Variants in NRXN3 observed in about 807,000 individuals in gnomAD.
NRXN3 encodes neurexin III.
Under a neutral mutation model 137.6 loss-of-function variants are expected in NRXN3, and 32 were observed. The ratio of observed to expected loss-of-function variants is 0.23; its 90% confidence interval spans 0.18 to 0.31. The LOEUF (loss-of-function observed/expected upper bound fraction) is 0.31. Ranked by LOEUF, NRXN3 falls within the 10% of genes least tolerant of loss-of-function variation. NRXN3 has a pLI of 1.00. For synonymous variants in NRXN3, 798 were observed against 784.5 expected (o/e 1.02, Z -0.29); for missense variants, 1,574 against 2,062.5 (o/e 0.76, Z 4.59).
chr14:79,484,186 C>T lies in NRXN3; in HGVS notation c.3444+16784C>T, dbSNP rs74890259. On this transcript the variant is annotated intron_variant, in intron 16 of 20. Transcript: ENST00000335750. ...TTCCCATTGCCCCAGCACATCCTTCCTTCCTACATTCCTGGGAGAAAAGAG... is the reference window on the plus strand; with the variant it reads ...TTCCCATTGCCCCAGCACATCCTTCTTTCCTACATTCCTGGGAGAAAAGAG... Among the ~76,000 whole-genome samples the T allele has an allele frequency of 0.011, 1,616 of 152,254 alleles. 68 individuals carry two copies. In the East Asian group the frequency reaches 0.12, roughly 11 times the overall value.
intron 19 of NRXN3, among the ~76,000 whole-genome samples, chr14:79,768,237 G>A (rs905936015): frequency 4.5e-4 from 68 of 152,362 alleles, no homozygotes; most frequent in South Asian, 1.2e-3. Flanking sequence ...GGTAAACAAA[G>A]CAGCCAGGAA....
At chr14:79,253,818 C>T (rs1268140911) in intron 15 of NRXN3, among the ~76,000 whole-genome samples, 2 of 152,318 alleles carry the variant, frequency 1.3e-5, no homozygotes, top group South Asian at 4.1e-4. Flanking sequence ...CACCAGATCC[C>T]TCCAACATGT....
chr14:79,451,147 G>A (rs2096163839), intron 15 of NRXN3, among the ~76,000 whole-genome samples: 1 of 151,110 alleles, frequency 6.6e-6, no homozygotes, highest in Non-Finnish European at 1.5e-5. Flanking sequence ...GTGTCAGGAG[G>A]GGCTCAGCCA....
chr14:78,443,636 G>T (rs1422855062), intron 4 of NRXN3, among the ~76,000 whole-genome samples: 1 of 152,138 alleles, frequency 6.6e-6, no homozygotes, highest in African/African-American at 2.4e-5. Context: ...ACAGACATAG[G>T]TTCATATTCA....
At chr14:78,813,419 G>T (rs1424725484) in intron 10 of NRXN3, among the ~76,000 whole-genome samples, 2 of 152,120 alleles carry the variant, frequency 1.3e-5, no homozygotes, top group Non-Finnish European at 2.9e-5. Context: ...TGCACCCTGG[G>T]TTTGAGGGAG....
intron 10 of NRXN3, among the ~76,000 whole-genome samples, chr14:78,832,159 A>T (rs1379293863): frequency 1.3e-5 from 2 of 152,098 alleles, no homozygotes; most frequent in African/African-American, 4.8e-5. Flanking sequence ...AGACAAATTC[A>T]AGAGCTTTGT....
intron 15 of NRXN3, among the ~76,000 whole-genome samples, chr14:79,277,654 G>A (rs1421114501): frequency 6.6e-6 from 1 of 152,138 alleles, no homozygotes; most frequent in Non-Finnish European, 1.5e-5. Context: ...ATTTTACAGA[G>A]GAGGAAACTG....
chr14:78,504,630 C>G (rs942157476), intron 4 of NRXN3, among the ~76,000 whole-genome samples: 1 of 152,070 alleles, frequency 6.6e-6, no homozygotes, highest in Non-Finnish European at 1.5e-5. Context: ...TATGGAGAAA[C>G]ATTTCCTGGG....
At chr14:79,573,274 T>C (rs1949259483) in intron 16 of NRXN3, among the ~76,000 whole-genome samples, 2 of 152,132 alleles carry the variant, frequency 1.3e-5, no homozygotes, top group Non-Finnish European at 2.9e-5. Flanking sequence ...CAAATCGAAA[T>C]GCCTAAAGGA....
intron 4 of NRXN3, among the ~76,000 whole-genome samples, chr14:78,511,567 A>T (rs1337986656): frequency 6.6e-6 from 1 of 152,158 alleles, no homozygotes; most frequent in Non-Finnish European, 1.5e-5. Flanking sequence ...CAGCACAAAC[A>T]TCTATTCACA....
chr14:79,326,065 ACTGT>A (rs1240205833), intron 15 of NRXN3, among the ~76,000 whole-genome samples: 4 of 152,236 alleles, frequency 2.6e-5, no homozygotes, highest in Admixed American at 2.0e-4. Flanking sequence ...CTTTCCAAGT[ACTGT>A]CTATTTGCAT....
At chr14:79,454,009 G>T (rs868010709) in intron 15 of NRXN3, among the ~76,000 whole-genome samples, 1 of 151,908 alleles carries the variant, frequency 6.6e-6, no homozygotes. Flanking sequence ...CTCAAACTGT[G>T]CATTTTCCCA....
intron 15 of NRXN3, among the ~76,000 whole-genome samples, chr14:79,138,759 T>C (rs1291256277): frequency 1.3e-5 from 2 of 152,224 alleles, no homozygotes; most frequent in Non-Finnish European, 2.9e-5. Context: ...GTTCTTGATA[T>C]ATGAAGATGA....
At chr14:78,926,563 A>G (rs1261438144) in intron 10 of NRXN3, among the ~76,000 whole-genome samples, 3 of 137,456 alleles carry the variant, frequency 2.2e-5, no homozygotes, top group Non-Finnish European at 4.6e-5. Flanking sequence ...CAACATGGTG[A>G]AACCTTGTCT....
intron 15 of NRXN3, among the ~76,000 whole-genome samples, chr14:79,390,088 C>G (rs769103052): frequency 1.3e-5 from 2 of 152,090 alleles, no homozygotes; most frequent in African/African-American, 4.8e-5. Flanking sequence ...GAGGCCGAGG[C>G]TGGTGGATCA....
chr14:79,375,239 T>TG (rs1425059206), intron 15 of NRXN3, among the ~76,000 whole-genome samples: 3 of 150,852 alleles, frequency 2.0e-5, no homozygotes, highest in Non-Finnish European at 4.4e-5. Flanking sequence ...TTTTGTGTTT[T>TG]TTTTTTTTTT....
chr14:79,632,707 C>A (rs1436995616), intron 16 of NRXN3, among the ~76,000 whole-genome samples: 2 of 152,106 alleles, frequency 1.3e-5, no homozygotes, highest in Admixed American at 6.5e-5. Flanking sequence ...GTTCTAGTCA[C>A]AATATTAAGT....
chr14:79,155,777 T>C (rs932483084), intron 15 of NRXN3, among the ~76,000 whole-genome samples: 2 of 151,696 alleles, frequency 1.3e-5, no homozygotes, highest in African/African-American at 4.8e-5. Context: ...TCTGAGGAAA[T>C]AAAGAGCAAA....
In NRXN3 at chr14:79,746,807, C is replaced by A. The variant is rs184728980; in HGVS notation, c.4014+48870C>A. Among the ~76,000 whole-genome samples, 60 of 151,998 alleles carry A rather than the reference C, an allele frequency of 3.9e-4. 1 individual carries two copies. In the East Asian group the frequency reaches 7.2e-3, roughly 18 times the overall value. On this transcript the variant is annotated intron_variant, in intron 19 of 20. Coordinates refer to ENST00000335750, the MANE Select transcript of NRXN3 (RefSeq NM_001330195.2). ...TGTTTTGCAGCTATTTAGACAGTTA[C>A]TTCTTAAAGAACCCCTAAAACTATT...
Sources: allele counts gnomAD v4.1 joint callset (sites outside exome capture counted in the v4.1 genomes callset), GRCh38; gene constraint gnomAD v4.1.1; transcripts MANE v1.5; gene names NCBI Gene and HGNC (gene_info 2026-07-23, HGNC 2026-07-21).